P4HB: variants seen among roughly 807,000 people sequenced by gnomAD.
P4HB encodes protein disulfide-isomerase.
Under a neutral mutation model 52.6 loss-of-function variants are expected in P4HB, and 20 were observed. The ratio of observed to expected loss-of-function variants is 0.38; its 90% CI spans 0.27 to 0.55. The LOEUF is 0.55. Among genes scored for constraint, P4HB ranks in the 20% least tolerant of loss-of-function variants. P4HB has a pLI of 0.74. For synonymous variants in P4HB, 296 were observed against 277.9 expected (o/e 1.07, Z -0.65); for missense variants, 601 against 669.2 (o/e 0.90, Z 1.12).
At chr17:81,847,798 C>A (rs987385832) in intron 4 of P4HB, 4 of 173,908 alleles carry the variant, frequency 2.3e-5, no homozygotes, top group Non-Finnish European at 5.1e-5. Context: ...CTGCCTTAGC[C>A]TCCCGAGTAG....
At chr17:81,854,310 A>C (rs1165731915) in intron 4 of P4HB, among the ~76,000 whole-genome samples, 1 of 145,178 alleles carries the variant, frequency 6.9e-6, no homozygotes, top group South Asian at 2.2e-4. Flanking sequence ...AGGCTGAGGC[A>C]GGCAGACCAC....
rs2038982020 is a variant in P4HB, at chr17:81,860,446, A to G, written c.26T>C (p.Leu9Pro). The G allele has an allele frequency of 1.5e-6, 2 of 1,378,500 alleles. No homozygotes were observed. Among genetic ancestry groups the G allele is most frequent in the African/African-American group, 1.5e-5 (1 of 65,932 alleles). The allele number at this position is 1,378,500 out of a possible 1,614,324, so 85.4% of individuals were successfully genotyped here. The part of the protein sequence containing the change: MLRRALLC[L>P]AVAALVRADA... ...GGCGCGCACCAGGGCGGCCACGGCCAGGCACAGCAGAGCGCGGCGCAGCAT... is the reference window on the plus strand; with the variant it reads ...GGCGCGCACCAGGGCGGCCACGGCCGGGCACAGCAGAGCGCGGCGCAGCAT... Residue 9 changes from leucine (L) to proline (P), a missense_variant, in exon 1 of 11, where the codon CTG (leucine) becomes CCG (proline). Leu to Pro is a moderately conservative substitution (Grantham distance 98). Transcript: ENST00000331483.
chr17:81,849,896 C>T (rs190870088), intron 4 of P4HB, among the ~76,000 whole-genome samples: 91 of 151,318 alleles, frequency 6.0e-4, no homozygotes, highest in African/African-American at 1.8e-3. Context: ...GGCATGATCT[C>T]GGCTCACTGC....
At chr17:81,850,348 C>G (rs1281730803) in intron 4 of P4HB, among the ~76,000 whole-genome samples, 1 of 152,044 alleles carries the variant, frequency 6.6e-6, no homozygotes, top group Non-Finnish European at 1.5e-5. Context: ...GTTGGTCAGG[C>G]TGGTCTTGAA....
At position 81,855,652 on chromosome 17, in the gene P4HB, T is replaced by C; in HGVS notation, c.353-66A>G. The C allele has an allele frequency of 1.3e-6, 2 of 1,555,402 alleles. No homozygotes were observed. Among genetic ancestry groups the C allele is most frequent in the Non-Finnish European group, 1.7e-6 (2 of 1,145,216 alleles). On this transcript the variant is annotated intron_variant, in intron 2 of 10. Coordinates refer to ENST00000331483, the MANE Select transcript of P4HB (RefSeq NM_000918.4). This position sits in a 1 kb window ranked among gnomAD's most constrained non-coding sequence, Gnocchi z 4.3. ...GTGCCGCCTGCCCTGCCGCGCCTGC[T>C]CCCGTCTCTGCTCTCTGCCAGCCAG...
At chr17:81,852,428 G>T (rs920300094) in intron 4 of P4HB, among the ~76,000 whole-genome samples, 2 of 152,208 alleles carry the variant, frequency 1.3e-5, no homozygotes, top group Non-Finnish European at 2.9e-5. Context: ...AGGGATGGGG[G>T]TTAACAGCCT....
At chr17:81,859,780 G>A (rs1000410127) in intron 1 of P4HB, 2 of 287,604 alleles carry the variant, frequency 7.0e-6, no homozygotes, top group Non-Finnish European at 1.4e-5. Context: ...CACTAGCTGT[G>A]AGTATGAGAT....
Position 81,846,034 on chromosome 17 carries a change from G to T in P4HB, c.1057-43C>A. 1 of 1,559,530 alleles carries T rather than the reference G, an allele frequency of 6.4e-7. No individual in the cohort carries two copies. Among genetic ancestry groups the T allele is most frequent in the Non-Finnish European group, 8.7e-7 (1 of 1,152,300 alleles). On this transcript the variant is annotated intron_variant, in intron 7 of 10. Coordinates refer to ENST00000331483, the MANE Select transcript of P4HB (RefSeq NM_000918.4). The surrounding 1 kb of genome is among the most constrained non-coding windows in gnomAD (Gnocchi z 5.7). ...CACGGTGAGGGGCGGCGATGCCTGG[G>T]GGACCACAGAGCTCCCCAACCCTCA...
At position 81,846,868 on chromosome 17, in the gene P4HB, G is replaced by A. The variant is rs1222387396; in HGVS notation, c.855+79C>T. The A allele has an allele frequency of 3.2e-6, 5 of 1,555,174 alleles. No individual in the cohort carries two copies. Among genetic ancestry groups the A allele is most frequent in the East Asian group, 2.2e-5 (1 of 44,524 alleles). On this transcript the variant is annotated intron_variant, in intron 6 of 10. Coordinates refer to ENST00000331483, the MANE Select transcript of P4HB (RefSeq NM_000918.4). The surrounding 1 kb of genome is among the most constrained non-coding windows in gnomAD (Gnocchi z 5.7). ...CCAGTCCAGCAGGCAGCCTCAGGAA[G>A]GCCCCACACTTGTCACCTCGGGAAG... is the stretch of plus-strand genomic sequence containing the variant.
rs2038782736 is a variant in P4HB, at chr17:81,848,879, T to C, written c.625-1532A>G. Among the ~76,000 whole-genome samples the C allele has an allele frequency of 2.0e-5, 3 of 149,592 alleles. No homozygotes were observed. In the Admixed American group the frequency reaches 2.0e-4, roughly 10 times the overall value. Reference sequence around the variant, plus strand: ...GGCCAACATGGTGAAACCTCGACTCTACCAAAAATACAAAAATTTAGCTGG... The same window carrying C: ...GGCCAACATGGTGAAACCTCGACTCCACCAAAAATACAAAAATTTAGCTGG... On this transcript the variant is annotated intron_variant, in intron 4 of 10. Coordinates refer to ENST00000331483, the MANE Select transcript of P4HB (RefSeq NM_000918.4).
chr17:81,847,515 G>GT, intron 4 of P4HB, 168 bp from the exon 5 acceptor site: 2 of 640,488 alleles, frequency 3.1e-6, no homozygotes, highest in Non-Finnish European at 2.9e-6. Context: ...TTCCTCGACA[G>GT]TAAGACTGGC....
chr17:81,845,913 C>T lies in P4HB; in HGVS notation c.1135G>A (p.Asp379Asn), dbSNP rs780345020. The T allele has an allele frequency of 1.3e-5, 21 of 1,613,782 alleles. No individual in the cohort carries two copies. Among genetic ancestry groups the T allele is most frequent in the Non-Finnish European group, 1.8e-5 (21 of 1,179,926 alleles). The change falls in exon 8 of 11, where the codon GAC (aspartate) becomes AAC (asparagine). Residue 379 changes from aspartate to asparagine, a missense_variant. Asp to Asn is a conservative substitution (Grantham distance 23). Transcript: ENST00000331483. ...VKVLVGKNFE[D>N]VAFDEKKNVF... ...TTTTTTTTCTCATCAAAAGCCACGT[C>T]TTCAAAGTTCTTCCCAACAAGCACC... is the stretch of plus-strand genomic sequence containing the variant.
In P4HB at chr17:81,850,139, A is replaced by AT. The variant is rs112549314; in HGVS notation, c.625-2793dup. On this transcript the variant is annotated intron_variant, in intron 4 of 10. Transcript: ENST00000331483. The stretch of plus-strand genomic sequence containing the variant: ...CACTGAGCCCGGCCCAAACTATTTT[A>AT]TTTTTTTTTTGAGACGGAGTTTCAC... Among the ~76,000 whole-genome samples, 735 of 117,768 alleles carry AT rather than the reference A, an allele frequency of 6.2e-3. 6 individuals carry two copies. The highest frequency in any genetic ancestry group is 0.021 in the African/African-American group (658 of 31,162). 77.3% of individuals were successfully genotyped at this position (117,768 alleles called of 152,430 possible).
intron 4 of P4HB, chr17:81,847,650 T>G: frequency 2.3e-6 from 1 of 443,158 alleles, no homozygotes; most frequent in Non-Finnish European, 4.2e-6. Flanking sequence ...CCCTAGCCTT[T>G]TCAGGGCACC....
Position 81,846,303 on chromosome 17 carries a change from T to C in P4HB, c.1056+126A>G. 1.1e-6 allele frequency: 1 copy of C among 904,500 alleles called. No individual in the cohort carries two copies. Among genetic ancestry groups the C allele is most frequent in the Non-Finnish European group, 1.7e-6 (1 of 574,630 alleles). 56.0% of individuals were successfully genotyped at this position (904,500 alleles called of 1,614,324 possible). A position where few individuals can be genotyped will look rare whatever the true frequency, so the allele number is the denominator to read the frequency against. On this transcript the variant is annotated intron_variant, in intron 7 of 10. Transcript: ENST00000331483. The surrounding 1 kb of genome is among the most constrained non-coding windows in gnomAD (Gnocchi z 5.7). ...CAAGAATGGTGGTCTTCACACCATC[T>C]TGGGCTCCGTCCTCTTACTCTGAAG...
intron 4 of P4HB, among the ~76,000 whole-genome samples, chr17:81,852,217 G>C (rs2038843345): frequency 6.6e-6 from 1 of 152,120 alleles, no homozygotes; most frequent in South Asian, 2.1e-4. Context: ...GCCAGCTGGG[G>C]GAGAAGAAAA....
rs1598270610 is a variant in P4HB, at chr17:81,855,810, G to A, written c.353-224C>T. The A allele has an allele frequency of 6.7e-5, 33 of 495,958 alleles. No homozygotes were observed. In the East Asian group the frequency reaches 1.0e-3, roughly 15 times the overall value. The allele number at this position is 495,958 out of a possible 1,614,324, so 30.7% of individuals were successfully genotyped here. ...GTTTATGGGGAGTGGAGAGGGAAGA[G>A]GGTGATTCTGTCTCTGAATAACAGG... is the stretch of plus-strand genomic sequence containing the variant. On this transcript the variant is annotated intron_variant, in intron 2 of 10. Transcript: ENST00000331483. The surrounding 1 kb of genome is among the most constrained non-coding windows in gnomAD (Gnocchi z 4.3).
intron 4 of P4HB, among the ~76,000 whole-genome samples, chr17:81,849,829 TA>T (rs202202416): frequency 5.7e-4 from 87 of 151,400 alleles, no homozygotes; most frequent in African/African-American, 2.0e-3. Context: ...AAAATTTATT[TA>T]TTTTTTTATT....
intron 4 of P4HB, among the ~76,000 whole-genome samples, chr17:81,852,168 C>T (rs1282673546): frequency 3.3e-5 from 5 of 152,196 alleles, no homozygotes; most frequent in African/African-American, 9.6e-5. Flanking sequence ...GGTAACAGAG[C>T]GAGACCCTTT....
Sources: gnomAD v4.1 joint callset for allele counts (sites outside exome capture counted in the v4.1 genomes callset) on GRCh38, gnomAD v4.1.1 for gene constraint, Gnocchi (gnomAD v3.1) non-coding constraint, MANE v1.5 for transcripts, NCBI Gene and HGNC (gene_info 2026-07-23, HGNC 2026-07-21) for gene names.